Variants in PPP3CC observed in about 807,000 individuals in gnomAD.
The protein encoded by PPP3CC is protein phosphatase 3 catalytic subunit gamma, also known as serine/threonine-protein phosphatase 2B catalytic subunit gamma isoform.
In PPP3CC, 35 loss-of-function variants were observed where a neutral mutation model predicts 60.3. That is an observed-to-expected ratio of 0.58 (90% CI 0.44 to 0.77). The LOEUF (loss-of-function observed/expected upper bound fraction) is 0.77, where lower values mean the gene tolerates loss of function less well. PPP3CC is among the 30% of genes least tolerant of loss of function. The pLI is 0.00. For synonymous variants in PPP3CC, 206 were observed against 224.3 expected (o/e 0.92, Z 0.73); for missense variants, 570 against 628.9 (o/e 0.91, Z 1.00).
rs796999896 is a variant in PPP3CC at position 22,532,867 on chromosome 8, T to C, written c.1224-54T>C. The C allele has an allele frequency of 3.3e-5, 41 of 1,240,028 alleles. No homozygotes were observed. The South Asian group carries it at 6.4e-4, about 19-fold the overall frequency. The allele number at this position is 1,240,028 out of a possible 1,614,324, so 76.8% of individuals were successfully genotyped here. A position where few individuals can be genotyped will look rare whatever the true frequency, so the allele number is the denominator to read the frequency against. On this transcript the variant is annotated intron_variant, in intron 11 of 13. Transcript: ENST00000240139. ...CTTCACTTCCTTCAATATCTTTAAG[T>C]TGCTGAATGGAGAGTTCTCGGGCAT...
intron 1 of PPP3CC, among the ~76,000 whole-genome samples, chr8:22,446,799 C>T (rs1836835743): frequency 2.1e-5 from 2 of 95,716 alleles, no homozygotes; most frequent in East Asian, 6.6e-4. Flanking sequence ...GAGCAAGACT[C>T]TGTCTCAAAA....
chr8:22,517,296 C>A (rs1261528770), intron 6 of PPP3CC, among the ~76,000 whole-genome samples: 1 of 152,208 alleles, frequency 6.6e-6, no homozygotes, highest in Non-Finnish European at 1.5e-5. Flanking sequence ...ATTTAAAAAT[C>A]TATGTTCATC....
intron 4 of PPP3CC, among the ~76,000 whole-genome samples, chr8:22,506,432 T>C (rs1838922542): frequency 6.6e-6 from 1 of 152,204 alleles, no homozygotes; most frequent in Admixed American, 6.5e-5. Flanking sequence ...ATAGCCAAAA[T>C]ACGTTCTTAA....
At chr8:22,498,341 A>G (rs1021275598) in intron 4 of PPP3CC, among the ~76,000 whole-genome samples, 15 of 152,224 alleles carry the variant, frequency 9.9e-5, no homozygotes, top group Non-Finnish European at 2.2e-4. Flanking sequence ...TTTGGAAAGC[A>G]CAGAGAAGTC....
At chr8:22,519,795 C>T (rs774864416) in intron 6 of PPP3CC, among the ~76,000 whole-genome samples, 2 of 152,188 alleles carry the variant, frequency 1.3e-5, no homozygotes, top group Non-Finnish European at 2.9e-5. Context: ...GCTGGGACTA[C>T]AGGCACACAC....
At chr8:22,514,977 C>A (rs1165310257) in intron 6 of PPP3CC, among the ~76,000 whole-genome samples, 1 of 152,124 alleles carries the variant, frequency 6.6e-6, no homozygotes, top group Non-Finnish European at 1.5e-5. Flanking sequence ...TGTGGCCGGC[C>A]TCTTCTAGTT....
At chr8:22,462,790 C>A (rs1400262352) in intron 1 of PPP3CC, among the ~76,000 whole-genome samples, 1 of 151,964 alleles carries the variant, frequency 6.6e-6, no homozygotes, top group Non-Finnish European at 1.5e-5. Flanking sequence ...AGGATGGCCT[C>A]GATGTTCTTT....
At chr8:22,491,063 G>C (rs1838391403) in intron 3 of PPP3CC, among the ~76,000 whole-genome samples, 1 of 152,146 alleles carries the variant, frequency 6.6e-6, no homozygotes, top group South Asian at 2.1e-4. Flanking sequence ...ATTTATGTAT[G>C]ACACTTTAGT....
At chr8:22,482,911 G>A (rs2132481621) in intron 3 of PPP3CC, among the ~76,000 whole-genome samples, 1 of 152,234 alleles carries the variant, frequency 6.6e-6, no homozygotes, top group African/African-American at 2.4e-5. Context: ...AGTCGAGTTA[G>A]AATAGGAGAA....
In PPP3CC at chr8:22,526,988, C is replaced by G. The variant is rs993677707; in HGVS notation, c.944-404C>G. ...TACAATCTTTGACTCTGGCTAATGACTAGCAAAACAGGCTGTGTCCATTTA... is the reference window on the plus strand; with the variant it reads ...TACAATCTTTGACTCTGGCTAATGAGTAGCAAAACAGGCTGTGTCCATTTA... On this transcript the variant is annotated intron_variant, in intron 8 of 13. Transcript: ENST00000240139. 2.0e-5 allele frequency among the ~76,000 whole-genome samples: 3 copies of G among 152,276 alleles called. No individual in the cohort carries two copies. In the East Asian group the frequency reaches 5.8e-4, roughly 29 times the overall value.
At chr8:22,495,331 T>C (rs1395004951) in intron 3 of PPP3CC, among the ~76,000 whole-genome samples, 1 of 152,158 alleles carries the variant, frequency 6.6e-6, no homozygotes, top group Non-Finnish European at 1.5e-5. Flanking sequence ...CCTTGTGCTT[T>C]ATTGTGTGAG....
rs747232518 is a variant in PPP3CC at position 22,475,060 on chromosome 8, G to A, written c.156G>A (p.Leu52=). ...LKNHLVKEGR[L]EEEVALKIIN... ...ACCATTTGGTAAAGGAAGGACGACT[G>A]GAAGAGGAAGTAGCCTTAAAGATAA... Residue 52 remains leucine, a synonymous_variant, in exon 2 of 14, where the codon CTG becomes CTA. Coordinates refer to ENST00000240139, the MANE Select transcript of PPP3CC (RefSeq NM_005605.5). 13 of 1,613,464 alleles carry A rather than the reference G, an allele frequency of 8.1e-6. No individual in the cohort carries two copies. In the South Asian group the frequency reaches 1.4e-4, roughly 18 times the overall value.
intron 6 of PPP3CC, among the ~76,000 whole-genome samples, chr8:22,514,149 C>A (rs1364060321): frequency 6.7e-6 from 1 of 149,170 alleles, no homozygotes; most frequent in African/African-American, 2.5e-5. Flanking sequence ...TGGGAGACTT[C>A]AGGCAAGAGA....
chr8:22,497,782 A>T (rs1247647863), intron 3 of PPP3CC, among the ~76,000 whole-genome samples: 1 of 152,162 alleles, frequency 6.6e-6, no homozygotes, highest in Non-Finnish European at 1.5e-5. Flanking sequence ...AGAGTTCTAG[A>T]TATTTAGATA....
chr8:22,477,275 G>A (rs1207222195), intron 3 of PPP3CC, among the ~76,000 whole-genome samples: 3 of 151,976 alleles, frequency 2.0e-5, no homozygotes, highest in African/African-American at 7.2e-5. Flanking sequence ...TCAGGAGTTC[G>A]AGACCAGCCT....
intron 6 of PPP3CC, among the ~76,000 whole-genome samples, chr8:22,515,424 C>T (rs1021071495): frequency 1.3e-5 from 2 of 152,222 alleles, no homozygotes; most frequent in African/African-American, 2.4e-5. Context: ...AACAGTGCTG[C>T]AATAAACATG....
At chr8:22,521,905 A>T (rs1839414063) in intron 6 of PPP3CC, among the ~76,000 whole-genome samples, 1 of 151,322 alleles carries the variant, frequency 6.6e-6, no homozygotes, top group South Asian at 2.1e-4. Flanking sequence ...ATAAGCTTGC[A>T]GTGAGCCGAG....
At chr8:22,449,239 A>G (rs1383921449) in intron 1 of PPP3CC, among the ~76,000 whole-genome samples, 1 of 152,158 alleles carries the variant, frequency 6.6e-6, no homozygotes, top group East Asian at 1.9e-4. Flanking sequence ...ACTTGAGCTC[A>G]GGAATTCGAG....
intron 4 of PPP3CC, 87 bp from the exon 5 acceptor site, chr8:22,510,999 A>C: frequency 2.0e-5 from 27 of 1,322,998 alleles, no homozygotes; most frequent in Non-Finnish European, 2.7e-5. Context: ...ATGGCTCTAA[A>C]GTAGCTTCAT....
Sources: allele counts gnomAD v4.1 joint callset (sites outside exome capture counted in the v4.1 genomes callset), GRCh38; gene constraint gnomAD v4.1.1; transcripts MANE v1.5; gene names NCBI Gene and HGNC (gene_info 2026-07-23, HGNC 2026-07-21).